Variants in ARHGAP23 observed in about 807,000 individuals in gnomAD.
ARHGAP23 encodes the protein Rho GTPase activating protein 23.
ARHGAP23 carries 34 observed loss-of-function variants against 136.3 expected under a neutral mutation model. That is an observed-to-expected ratio of 0.25 (90% CI 0.19 to 0.33). The LOEUF is 0.33. ARHGAP23 is among the 10% of genes least tolerant of loss of function. ARHGAP23 has a pLI of 1.00. For missense variants in ARHGAP23, 1,808 were observed against 2,139.0 expected (o/e 0.85, Z 3.05); for synonymous variants, 832 against 920.5 (o/e 0.90, Z 1.74).
chr17:38,482,991 CAG>C (rs1330170966), intron 16 of ARHGAP23, among the ~76,000 whole-genome samples: 1 of 152,170 alleles, frequency 6.6e-6, no homozygotes, highest in African/African-American at 2.4e-5. Flanking sequence ...CGGTGAAAGC[CAG>C]GTGAGGGCAT....
intron 12 of ARHGAP23, 33 bp from the exon 13 acceptor site, chr17:38,479,403 T>C (rs1418242331): frequency 6.5e-7 from 1 of 1,532,532 alleles, no homozygotes; most frequent in South Asian, 1.2e-5. Flanking sequence ...CTGTGGGCAC[T>C]GACATGATCC....
chr17:38,425,925 G>A (rs549029534), upstream of ARHGAP23, among the ~76,000 whole-genome samples: 6 of 152,100 alleles, frequency 3.9e-5, no homozygotes, highest in East Asian at 9.7e-4. Context: ...GCGGGTGGGG[G>A]AGGCTGTGCA....
Position 38,477,185 on chromosome 17 carries a change from C to A in ARHGAP23, c.2119-394C>A, listed in dbSNP as rs2039913103. The stretch of plus-strand genomic sequence containing the variant: ...AACCCTCTAAGAGTGCGGACGGCTT[C>A]TGAGCAGGTTTGCTGGGATGAGGGG... On this transcript the variant is annotated intron_variant, in intron 11 of 23. Coordinates refer to ENST00000622683, the MANE Select transcript of ARHGAP23 (RefSeq NM_001199417.2). This position sits in a 1 kb window ranked among gnomAD's most constrained non-coding sequence, Gnocchi z 6.6. Among the ~76,000 whole-genome samples, 1 of 152,006 alleles carries A rather than the reference C, an allele frequency of 6.6e-6. No homozygotes were observed. The highest frequency in any genetic ancestry group is 1.5e-5 in the Non-Finnish European group (1 of 67,994).
intron 6 of ARHGAP23, among the ~76,000 whole-genome samples, chr17:38,465,240 T>C (rs1026045203): frequency 2.0e-5 from 3 of 147,316 alleles, no homozygotes; most frequent in Non-Finnish European, 4.4e-5. Flanking sequence ...GGGGGTGTGG[T>C]TTAGCTTGTC....
At chr17:38,500,447 G>A in intron 22 of ARHGAP23, 150 bp from the exon 23 acceptor site, 1 of 670,444 alleles carries the variant, frequency 1.5e-6, no homozygotes, top group Non-Finnish European at 2.6e-6. Context: ...GACATCAGAT[G>A]TCCATCATAC....
At chr17:38,425,819 G>T (rs1316013039), upstream of ARHGAP23, among the ~76,000 whole-genome samples, 1 of 152,042 alleles carries the variant, frequency 6.6e-6, no homozygotes, top group East Asian at 1.9e-4. Flanking sequence ...GATAGATGAG[G>T]TGGGCTGGGA....
intron 23 of ARHGAP23, among the ~76,000 whole-genome samples, chr17:38,507,300 T>TAATAATAATAATAATAATAATAATAAC (rs745375857): frequency 1.3e-4 from 19 of 150,220 alleles, no homozygotes; most frequent in Admixed American, 6.7e-4. Context: ...ATAATAATAA[T>TAATAATAATAATAATAATAATAATAAC]AATAATGCTC....
intron 1 of ARHGAP23, among the ~76,000 whole-genome samples, chr17:38,420,528 T>C (rs1251746613): frequency 6.6e-6 from 1 of 152,060 alleles, no homozygotes; most frequent in Non-Finnish European, 1.5e-5. Context: ...GGCAGAGGGC[T>C]TGTGGGTGGC....
rs1187525098 is a variant in ARHGAP23, at chr17:38,510,564, GC to G, written c.4073del (p.Pro1358ArgfsTer17). 16 of 1,233,462 alleles carry G rather than the reference GC, an allele frequency of 1.3e-5. No individual in the cohort carries two copies. In the South Asian group the frequency reaches 1.6e-4, roughly 12 times the overall value. 76.4% of individuals were successfully genotyped at this position (1,233,462 alleles called of 1,614,324 possible). On this transcript the variant is annotated frameshift_variant, in exon 24 of 24. Transcript: ENST00000622683. LOFTEE classifies it high-confidence loss of function. The surrounding 1 kb of genome is among the most constrained non-coding windows in gnomAD (Gnocchi z 4.6). ...CGTCCAGCAGCCAGGAGTCGCTGCGGCCCCCGGCGGCGGCGCTGGCCTCCCG... is the reference window on the plus strand; with the variant it reads ...CGTCCAGCAGCCAGGAGTCGCTGCGGCCCCGGCGGCGGCGCTGGCCTCCCG... ...ASSSSQESLR[P>X]PAAALASRPS... is the part of the protein sequence containing the mutation.
At chr17:38,449,057 G>C (rs1182863466) in intron 1 of ARHGAP23, among the ~76,000 whole-genome samples, 7 of 152,110 alleles carry the variant, frequency 4.6e-5, no homozygotes, top group Non-Finnish European at 8.8e-5. Context: ...GGGCTCAAGC[G>C]ATCCTCCTGC....
intron 11 of ARHGAP23, among the ~76,000 whole-genome samples, chr17:38,476,994 C>T (rs1283384408): frequency 6.6e-6 from 1 of 152,020 alleles, no homozygotes; most frequent in East Asian, 1.9e-4. Flanking sequence ...GAGATAGGGT[C>T]TGGAGAGGGA....
upstream of ARHGAP23, chr17:38,428,421 CCCCTCCCGGGT>C (rs1189096255): frequency 1.8e-5 from 17 of 946,796 alleles, no homozygotes; most frequent in East Asian, 5.8e-4. Context: ...CCCGGCCCCG[CCCCTCCCGGGT>C]CCCTGCCGGC....
rs1464362454 is a variant in ARHGAP23, at chr17:38,482,509, C to G, written c.2752-14C>G. On this transcript the variant is annotated splice_polypyrimidine_tract_variant and intron_variant, in intron 15 of 23. Coordinates refer to ENST00000622683, the MANE Select transcript of ARHGAP23 (RefSeq NM_001199417.2). ...GCCCCTGTCCCCCCTAACACCCCTCCCATGTGTCCCCAGCGCGTCCCCTTA... is the reference window on the plus strand; with the variant it reads ...GCCCCTGTCCCCCCTAACACCCCTCGCATGTGTCCCCAGCGCGTCCCCTTA... The G allele has an allele frequency of 4.6e-6, 7 of 1,533,900 alleles. No individual in the cohort carries two copies. The African/African-American group carries it at 6.9e-5, about 15-fold the overall frequency.
chr17:38,458,939 G>A (rs762760861), intron 2 of ARHGAP23, among the ~76,000 whole-genome samples: 3 of 152,150 alleles, frequency 2.0e-5, no homozygotes, highest in Non-Finnish European at 2.9e-5. Context: ...TAATGTAAAC[G>A]TTGTGTTCTC....
At chr17:38,428,326 G>A, upstream of ARHGAP23, 1 of 280,146 alleles carries the variant, frequency 3.6e-6, no homozygotes, top group Non-Finnish European at 6.4e-6. Context: ...CACCCAGAAG[G>A]GAGCGCGGGG....
upstream of ARHGAP23, among the ~76,000 whole-genome samples, chr17:38,426,550 C>CAAAAAAAAA (rs751365956): frequency 5.8e-3 from 297 of 51,198 alleles, 10 homozygotes; most frequent in Admixed American, 0.011. Context: ...AACTCCATCT[C>CAAAAAAAAA]AAAAAAAAAA....
At chr17:38,460,235 T>G (rs1457323243) in intron 2 of ARHGAP23, among the ~76,000 whole-genome samples, 1 of 152,024 alleles carries the variant, frequency 6.6e-6, no homozygotes, top group African/African-American at 2.4e-5. Flanking sequence ...GCCAGAATCC[T>G]CTCCCCTAAC....
chr17:38,430,920 C>T (rs142731944), intron 1 of ARHGAP23, among the ~76,000 whole-genome samples: 30 of 152,274 alleles, frequency 2.0e-4, no homozygotes, highest in Admixed American at 8.5e-4. Flanking sequence ...AAACTCCTGG[C>T]CAGTATTTAT....
In ARHGAP23 at chr17:38,510,212, CG is replaced by C; in HGVS notation, c.3718del (p.Ala1240ProfsTer43). 7.3e-7 allele frequency: 1 copy of C among 1,371,742 alleles called. No individual in the cohort carries two copies. Among genetic ancestry groups the C allele is most frequent in the African/African-American group, 1.5e-5 (1 of 66,576 alleles). The allele number at this position is 1,371,742 out of a possible 1,614,324, so 85.0% of individuals were successfully genotyped here. Reference protein sequence around the residue: ...LSPPAAPEERPAADTRSIVSG... With the variant: ...LSPPAAPEERXAADTRSIVSG... ...CCCCCGGCGGCGCCGGAGGAGCGGC[CG>C]GCCGCGGACACGCGCTCCATTGTGT... On this transcript the variant is annotated frameshift_variant, in exon 24 of 24. Coordinates refer to ENST00000622683, the MANE Select transcript of ARHGAP23 (RefSeq NM_001199417.2). LOFTEE classifies it high-confidence loss of function. The surrounding 1 kb of genome is among the most constrained non-coding windows in gnomAD (Gnocchi z 4.6).
Sources: allele counts gnomAD v4.1 joint callset (sites outside exome capture counted in the v4.1 genomes callset), GRCh38; gene constraint gnomAD v4.1.1; non-coding constraint Gnocchi (gnomAD v3.1); transcripts MANE v1.5; gene names NCBI Gene and HGNC (gene_info 2026-07-23, HGNC 2026-07-21).